P4HTM: variants seen among roughly 807,000 people sequenced by gnomAD.
The protein encoded by P4HTM is prolyl 4-hydroxylase, transmembrane.
P4HTM carries 33 observed loss-of-function variants against 55.3 expected under a neutral mutation model. The observed-to-expected ratio is 0.60, with a 90% confidence interval of 0.45 to 0.80. The LOEUF (loss-of-function observed/expected upper bound fraction) is 0.80, where lower values mean the gene tolerates loss of function less well. Among genes scored for constraint, P4HTM ranks in the 30% least tolerant of loss-of-function variants. The pLI is 0.00. For synonymous variants in P4HTM, 272 were observed against 286.4 expected (o/e 0.95, Z 0.51); for missense variants, 542 against 696.5 (o/e 0.78, Z 2.50).
upstream of P4HTM, chr3:48,989,984 CG>C (rs2092925589): frequency 5.7e-6 from 1 of 174,818 alleles, no homozygotes; most frequent in Non-Finnish European, 1.2e-5. Flanking sequence ...TCCGCGTCTA[CG>C]CTTGGGACCT....
rs555947926 is a variant in P4HTM at position 48,999,843 on chromosome 3, T to G, written c.437-1595T>G. 6.6e-6 allele frequency: 1 copy of G among 152,404 alleles called. No individual in the cohort carries two copies. The highest frequency in any genetic ancestry group is 6.5e-5 in the Admixed American group (1 of 15,308). 9.4% of individuals were successfully genotyped at this position (152,404 alleles called of 1,614,324 possible). ...TTCTTTCTTTTTAAATTTTGTGTGTTAAGCAATCAAGAGGTGACTCTGTTG... is the reference window on the plus strand; with the variant it reads ...TTCTTTCTTTTTAAATTTTGTGTGTGAAGCAATCAAGAGGTGACTCTGTTG... On this transcript the variant is annotated intron_variant, in intron 2 of 8. Transcript: ENST00000383729. This position sits in a 1 kb window ranked among gnomAD's most constrained non-coding sequence, Gnocchi z 4.8.
At position 49,004,919 on chromosome 3, in the gene P4HTM, G is replaced by A. The variant is rs767508627; in HGVS notation, c.946G>A (p.Val316Ile). ...EIVELSEPLQ[V>I]VRYGEGGHYH... is the part of the protein sequence containing the mutation. ...CGTGGAGCTCAGCGAGCCGCTGCAG[G>A]TTGTTCGATATGGTGAGGGGGGCCA... is the stretch of plus-strand genomic sequence containing the variant. Residue 316 changes from valine to isoleucine, a missense_variant, in exon 6 of 9, where the codon GTT becomes ATT. Physicochemically the swap from Val to Ile is conservative, Grantham distance 29. Coordinates refer to ENST00000383729, the MANE Select transcript of P4HTM (RefSeq NM_177939.3). The A allele has an allele frequency of 6.2e-7, 1 of 1,613,762 alleles. No homozygotes were observed. The highest frequency in any genetic ancestry group is 8.5e-7 in the Non-Finnish European group (1 of 1,180,024).
At position 49,002,628 on chromosome 3, in the gene P4HTM, C is replaced by A; in HGVS notation, c.724+32C>A. On this transcript the variant is annotated intron_variant, in intron 4 of 8. Transcript: ENST00000383729. This position sits in a 1 kb window ranked among gnomAD's most constrained non-coding sequence, Gnocchi z 4.4. ...TCACACCTCTGCACAGTCCTATCCCCGTGAGCCTCCTGCCCACTCCCAGGT... is the reference window on the plus strand; with the variant it reads ...TCACACCTCTGCACAGTCCTATCCCAGTGAGCCTCCTGCCCACTCCCAGGT... 6.6e-7 allele frequency: 1 copy of A among 1,519,080 alleles called. No individual in the cohort carries two copies. Among genetic ancestry groups the A allele is most frequent in the Non-Finnish European group, 9.1e-7 (1 of 1,093,202 alleles). The allele number at this position is 1,519,080 out of a possible 1,614,324, so 94.1% of individuals were successfully genotyped here. A position where few individuals can be genotyped will look rare whatever the true frequency, so the allele number is the denominator to read the frequency against.
rs2092927014 is a variant in P4HTM, at chr3:48,990,399, C to G, written c.143C>G (p.Pro48Arg). 1 of 1,597,506 alleles carries G rather than the reference C, an allele frequency of 6.3e-7. No homozygotes were observed. Among genetic ancestry groups the G allele is most frequent in the African/African-American group, 1.3e-5 (1 of 74,250 alleles). The change falls in exon 1 of 9, where the codon CCG becomes CGG. Residue 48 changes from proline (P) to arginine (R), a missense_variant. Transcript: ENST00000383729. This position sits in a 1 kb window ranked among gnomAD's most constrained non-coding sequence, Gnocchi z 7.2. ...GACGGCGAGGACGCACCGGTGCGTCCGCTGTGCAAGCCCCGCGGCATCTGC... is the reference window on the plus strand; with the variant it reads ...GACGGCGAGGACGCACCGGTGCGTCGGCTGTGCAAGCCCCGCGGCATCTGC... ...LGDGEDAPVR[P>R]LCKPRGICSR... is the part of the protein sequence containing the mutation.
intron 6 of P4HTM, 81 bp downstream of exon 6, chr3:49,005,127 G>T (rs779773246): frequency 8.7e-6 from 14 of 1,612,534 alleles, no homozygotes; most frequent in Middle Eastern, 1.6e-4. Context: ...TGCACTGTGG[G>T]CGTGCCCCTT....
chr3:49,006,775 T>C lies in P4HTM; in HGVS notation c.1377T>C (p.Asn459=). 1.9e-6 allele frequency: 3 copies of C among 1,613,644 alleles called. No homozygotes were observed. The highest frequency in any genetic ancestry group is 2.5e-6 in the Non-Finnish European group (3 of 1,180,038). The change falls in exon 9 of 9, where the codon AAT becomes AAC. Residue 459 remains asparagine (N), a synonymous_variant. Transcript: ENST00000383729. ...AGTGGATTGCCAACAACTGGATTAATGTGGACCCCAGCCGAGCGCGGCAAG... is the reference window on the plus strand; with the variant it reads ...AGTGGATTGCCAACAACTGGATTAACGTGGACCCCAGCCGAGCGCGGCAAG... ...GTKWIANNWI[N]VDPSRARQAL...
At chr3:48,996,395 T>A (rs1027766891) in intron 2 of P4HTM, 2 of 152,398 alleles carry the variant, frequency 1.3e-5, no homozygotes, top group African/African-American at 4.8e-5. Flanking sequence ...TGCCTCAGCC[T>A]CCCATGTAGC....
At chr3:48,997,914 G>T (rs2092950327) in intron 2 of P4HTM, 1 of 152,268 alleles carries the variant, frequency 6.6e-6, no homozygotes, top group Non-Finnish European at 1.5e-5. Context: ...CCTTGGAGGA[G>T]CCTGCATCCT....
At position 48,990,651 on chromosome 3, in the gene P4HTM, G is replaced by C. The variant is rs568642073; in HGVS notation, c.354+41G>C. The C allele has an allele frequency of 2.0e-6, 3 of 1,500,170 alleles. No individual in the cohort carries two copies. Among genetic ancestry groups the C allele is most frequent in the African/African-American group, 2.8e-5 (2 of 71,294 alleles). The allele number at this position is 1,500,170 out of a possible 1,614,324, so 92.9% of individuals were successfully genotyped here. On this transcript the variant is annotated intron_variant, in intron 1 of 8. Transcript: ENST00000383729. The surrounding 1 kb of genome is among the most constrained non-coding windows in gnomAD (Gnocchi z 7.2). ...CCCCGCCGCGCTCCAGGCCCTGCAC[G>C]GCTGAGCCCGAGAGGACCGGCGCTC... is the stretch of plus-strand genomic sequence containing the variant.
chr3:48,996,563 T>C (rs2092946356), intron 2 of P4HTM: 2 of 152,256 alleles, frequency 1.3e-5, no homozygotes, highest in African/African-American at 4.8e-5. Context: ...GGTTTCACCA[T>C]GTTGGCTAGG....
At position 49,004,086 on chromosome 3, in the gene P4HTM, T is replaced by A; in HGVS notation, c.725-12T>A. ...GGGCTTGGTGGGCATTGATGGTGGGTGCCCTGTGCAGGAGTGCTGAGTCTG... is the reference window on the plus strand; with the variant it reads ...GGGCTTGGTGGGCATTGATGGTGGGAGCCCTGTGCAGGAGTGCTGAGTCTG... On this transcript the variant is annotated splice_polypyrimidine_tract_variant and intron_variant, in intron 4 of 8. Coordinates refer to ENST00000383729, the MANE Select transcript of P4HTM (RefSeq NM_177939.3). 1 of 1,552,794 alleles carries A rather than the reference T, an allele frequency of 6.4e-7. No individual in the cohort carries two copies. The highest frequency in any genetic ancestry group is 8.7e-7 in the Non-Finnish European group (1 of 1,148,520).
At chr3:49,000,099 G>A (rs1177896429) in intron 2 of P4HTM, among the ~76,000 whole-genome samples, 1 of 152,204 alleles carries the variant, frequency 6.6e-6, no homozygotes, top group Admixed American at 6.5e-5. Context: ...TGATTTCTCT[G>A]TGCTTGGGTT....
chr3:49,003,170 G>A (rs1293741941), intron 4 of P4HTM: 2 of 223,276 alleles, frequency 9.0e-6, no homozygotes, highest in African/African-American at 4.5e-5. Flanking sequence ...ATAACTCTCA[G>A]GAGGTTTCTG....
rs745738111 is a variant in P4HTM, at chr3:49,002,740, G to T, written c.724+144G>T. 1.4e-6 allele frequency: 1 copy of T among 730,442 alleles called. No individual in the cohort carries two copies. Among genetic ancestry groups the T allele is most frequent in the Non-Finnish European group, 2.5e-6 (1 of 405,342 alleles). 45.2% of individuals were successfully genotyped at this position (730,442 alleles called of 1,614,324 possible). A position where few individuals can be genotyped will look rare whatever the true frequency, so the allele number is the denominator to read the frequency against. ...TAGTGGCCAGAGATGGGGAGGTGAA[G>T]ATCCAGCCTTGCTTTTTACCCCTGG... is the stretch of plus-strand genomic sequence containing the variant. On this transcript the variant is annotated intron_variant, in intron 4 of 8. Coordinates refer to ENST00000383729, the MANE Select transcript of P4HTM (RefSeq NM_177939.3). The surrounding 1 kb of genome is among the most constrained non-coding windows in gnomAD (Gnocchi z 4.4).
rs1470684380 is a variant in P4HTM at position 48,990,913 on chromosome 3, C to G, written c.435C>G (p.Phe145Leu). 2 of 1,612,954 alleles carry G rather than the reference C, an allele frequency of 1.2e-6. No individual in the cohort carries two copies. Among genetic ancestry groups the G allele is most frequent in the Non-Finnish European group, 1.7e-6 (2 of 1,179,162 alleles). The change falls in exon 2 of 9, where the codon TTC becomes TTG. Residue 145 changes from phenylalanine to leucine, a missense_variant and splice_region_variant. Phe to Leu is a conservative substitution (Grantham distance 22). Transcript: ENST00000383729. The surrounding 1 kb of genome is among the most constrained non-coding windows in gnomAD (Gnocchi z 7.2). ...CCCTCAGCCTCAAGCCGCTGCTCTT[C>G]GGTAAGTCCGCCAGATACTCCTGGG... ...IRTLSLKPLL[F>L]EIPGFLTDEE...
In P4HTM at chr3:49,002,837, T is replaced by A; in HGVS notation, c.724+241T>A. On this transcript the variant is annotated intron_variant, in intron 4 of 8. Transcript: ENST00000383729. This position sits in a 1 kb window ranked among gnomAD's most constrained non-coding sequence, Gnocchi z 4.4. ...CGAGGGCAGTTCTTGGAGACCCTTT[T>A]GATAACATCAGGCAGAGTTGAGAGC... 1 of 596,522 alleles carries A rather than the reference T, an allele frequency of 1.7e-6. No individual in the cohort carries two copies. The highest frequency in any genetic ancestry group is 3.1e-6 in the Non-Finnish European group (1 of 324,716). 37.0% of individuals were successfully genotyped at this position (596,522 alleles called of 1,614,324 possible).
rs2092927902 is a variant in P4HTM, at chr3:48,990,570, A to T, written c.314A>T (p.Glu105Val). The change falls in exon 1 of 9, where the codon GAG becomes GTG. Residue 105 changes from glutamate (E) to valine (V), a missense_variant. Coordinates refer to ENST00000383729, the MANE Select transcript of P4HTM (RefSeq NM_177939.3). This position sits in a 1 kb window ranked among gnomAD's most constrained non-coding sequence, Gnocchi z 7.2. ...CACCGTGCCCAGGGCCCCGGGCCCG[A>T]GCCCACCTTAGGTCCCCTCACCCGG... ...PQHRAQGPGP[E>V]PTLGPLTRLE... The T allele has an allele frequency of 6.2e-7, 1 of 1,607,122 alleles. No individual in the cohort carries two copies. Among genetic ancestry groups the T allele is most frequent in the Non-Finnish European group, 8.5e-7 (1 of 1,177,760 alleles).
chr3:49,006,590 ATGCATAGC>A (rs1302921110), intron 8 of P4HTM, 89 bp from the exon 9 acceptor site: 50 of 936,774 alleles, frequency 5.3e-5, no homozygotes, highest in South Asian at 5.0e-4. Context: ...TACACAAGGA[ATGCATAGC>A]TGGACCCACC....
In P4HTM at chr3:49,002,859, G is replaced by A. The variant is rs2092965678; in HGVS notation, c.724+263G>A. On this transcript the variant is annotated intron_variant, in intron 4 of 8. Coordinates refer to ENST00000383729, the MANE Select transcript of P4HTM (RefSeq NM_177939.3). This position sits in a 1 kb window ranked among gnomAD's most constrained non-coding sequence, Gnocchi z 4.4. The stretch of plus-strand genomic sequence containing the variant: ...TTTTGATAACATCAGGCAGAGTTGA[G>A]AGCCTGGGGACAGGAAGTAGGGCTG... 7.5e-6 allele frequency: 4 copies of A among 534,670 alleles called. No homozygotes were observed. Among genetic ancestry groups the A allele is most frequent in the Admixed American group, 2.7e-5 (1 of 36,986 alleles). 33.1% of individuals were successfully genotyped at this position (534,670 alleles called of 1,614,324 possible).
Sources: allele counts gnomAD v4.1 joint callset (sites outside exome capture counted in the v4.1 genomes callset), GRCh38; gene constraint gnomAD v4.1.1; non-coding constraint Gnocchi (gnomAD v3.1); transcripts MANE v1.5; gene names NCBI Gene and HGNC (gene_info 2026-07-23, HGNC 2026-07-21).